KLC2: variants seen among roughly 807,000 people sequenced by gnomAD.
The protein encoded by KLC2 is kinesin light chain 2, also known as KLC 2.
In KLC2, 35 loss-of-function variants were observed where a neutral mutation model predicts 75.1. That is an observed-to-expected ratio of 0.47 (90% CI 0.36 to 0.62). The LOEUF is 0.62. KLC2 is among the 20% of genes least tolerant of loss of function. The probability of loss-of-function intolerance (pLI) is 0.00; values close to 1 mark genes in which losing one functional copy is unlikely to be tolerated. For synonymous variants in KLC2, 314 were observed against 336.7 expected (o/e 0.93, Z 0.74); for missense variants, 611 against 833.2 (o/e 0.73, Z 3.28).
In KLC2 at chr11:66,267,688, C is replaced by T; in HGVS notation, c.*732C>T. The stretch of plus-strand genomic sequence containing the variant: ...CCCCGCCCAGGCACGGCCGACCCCG[C>T]CCCGGGCACCGCCCACCGAGCCATC... On this transcript the variant is annotated 3_prime_UTR_variant, in exon 16 of 16. Coordinates refer to ENST00000394067, the MANE Select transcript of KLC2 (RefSeq NM_001318734.2). 1.9e-6 allele frequency: 1 copy of T among 522,784 alleles called. No homozygotes were observed. Among genetic ancestry groups the T allele is most frequent in the East Asian group, 3.2e-5 (1 of 30,812 alleles). 32.4% of individuals were successfully genotyped at this position (522,784 alleles called of 1,614,324 possible).
chr11:66,266,762 C>T, intron 15 of KLC2, 111 bp from the exon 16 acceptor site: 3 of 1,160,772 alleles, frequency 2.6e-6, no homozygotes, highest in Admixed American at 1.8e-5. Flanking sequence ...GCCATTGCCT[C>T]TGCCCAGCTC....
chr11:66,261,644 G>A, intron 2 of KLC2, 98 bp from the exon 3 acceptor site: 1 of 709,698 alleles, frequency 1.4e-6, no homozygotes, highest in East Asian at 2.6e-5. Context: ...GGCCAGGCCT[G>A]GCCCTTCACT....
In KLC2 at chr11:66,267,651, C is replaced by A; in HGVS notation, c.*695C>A. On this transcript the variant is annotated 3_prime_UTR_variant, in exon 16 of 16. Transcript: ENST00000394067. The stretch of plus-strand genomic sequence containing the variant: ...CCGCATCCCGGCCTTATGCACTGCC[C>A]CTCCCACCCGGCCCCGCCCAGGCAC... The A allele has an allele frequency of 1.8e-6, 1 of 564,760 alleles. No homozygotes were observed. The highest frequency in any genetic ancestry group is 3.0e-5 in the East Asian group (1 of 33,100). 35.0% of individuals were successfully genotyped at this position (564,760 alleles called of 1,614,324 possible). A position where few individuals can be genotyped will look rare whatever the true frequency, so the allele number is the denominator to read the frequency against.
At chr11:66,266,782 G>A (rs1052678338) in intron 15 of KLC2, 91 bp from the exon 16 acceptor site, 18 of 1,355,128 alleles carry the variant, frequency 1.3e-5, no homozygotes, top group African/African-American at 1.0e-4. Context: ...CAGGGATTCC[G>A]GCTGCCTCTG....
upstream of KLC2, among the ~76,000 whole-genome samples, chr11:66,256,488 T>C (rs1435300878): frequency 1.3e-5 from 2 of 150,956 alleles, no homozygotes; most frequent in African/African-American, 4.9e-5. Context: ...ACTGGAGAGG[T>C]TGAGGCAGGA....
intron 8 of KLC2, 52 bp from the exon 9 acceptor site, chr11:66,264,293 A>G (rs1856655954): frequency 1.9e-6 from 3 of 1,576,380 alleles, no homozygotes; most frequent in Non-Finnish European, 2.6e-6. Context: ...GAAGGAGAGA[A>G]AAAGGCTTGG....
At chr11:66,264,653 G>C in intron 9 of KLC2, 3 of 599,682 alleles carry the variant, frequency 5.0e-6, no homozygotes, top group Admixed American at 5.7e-5. Context: ...TGGCCTGCTA[G>C]GGCCTCACAC....
At chr11:66,252,224 C>A in the KLC2 span, among the ~76,000 whole-genome samples, 1 of 152,218 alleles carries the variant, frequency 6.6e-6, no homozygotes, top group Non-Finnish European at 1.5e-5. Flanking sequence ...GAATAAACAA[C>A]CACTAGGAAT....
chr11:66,253,768 C>T (rs1270691100), upstream of KLC2, among the ~76,000 whole-genome samples: 5 of 152,224 alleles, frequency 3.3e-5, no homozygotes, highest in Non-Finnish European at 7.3e-5. Flanking sequence ...GAATGAGAAC[C>T]AGCAGGGAAG....
In KLC2 at chr11:66,262,200, T is replaced by C; in HGVS notation, c.529+8T>C. 1 of 1,611,682 alleles carries C rather than the reference T, an allele frequency of 6.2e-7. No individual in the cohort carries two copies. The highest frequency in any genetic ancestry group is 8.5e-7 in the Non-Finnish European group (1 of 1,178,452). Reference sequence around the variant, plus strand: ...AGGATGAGCAGAGCCCAGGTGCGGATGGGCAGTTCTGGAGTGGGGGAAGGA... The same window carrying C: ...AGGATGAGCAGAGCCCAGGTGCGGACGGGCAGTTCTGGAGTGGGGGAAGGA... On this transcript the variant is annotated splice_region_variant and intron_variant, in intron 4 of 15. Coordinates refer to ENST00000394067, the MANE Select transcript of KLC2 (RefSeq NM_001318734.2).
upstream of KLC2, among the ~76,000 whole-genome samples, chr11:66,255,785 A>C (rs1856009233): frequency 7.8e-6 from 1 of 128,872 alleles, no homozygotes; most frequent in Non-Finnish European, 1.6e-5. Context: ...TTTTTTTTTG[A>C]GACAGAGTCT....
chr11:66,249,158 T>C, the KLC2 span, among the ~76,000 whole-genome samples: 1 of 152,202 alleles, frequency 6.6e-6, no homozygotes, highest in Non-Finnish European at 1.5e-5. Context: ...TTGGGGATTG[T>C]CTGATGTTCT....
At chr11:66,249,883 C>T in the KLC2 span, among the ~76,000 whole-genome samples, 3 of 152,170 alleles carry the variant, frequency 2.0e-5, no homozygotes, top group Admixed American at 1.3e-4. Flanking sequence ...GCCTCCCAAA[C>T]GCTGTTTCCA....
At chr11:66,256,123 A>T (rs72936687), upstream of KLC2, among the ~76,000 whole-genome samples, 7,073 of 152,074 alleles carry the variant, frequency 0.047, 226 homozygotes, top group Non-Finnish European at 0.067. Context: ...GAAAAAAATC[A>T]TTCCAGTCAC....
In KLC2 at chr11:66,265,699, G is replaced by A. The variant is rs1565175476; in HGVS notation, c.1379G>A (p.Arg460Gln). 5 of 1,613,912 alleles carry A rather than the reference G, an allele frequency of 3.1e-6. No homozygotes were observed. The highest frequency in any genetic ancestry group is 3.4e-6 in the Non-Finnish European group (4 of 1,179,960). Residue 460 changes from arginine (R) to glutamine (Q), a missense_variant, in exon 12 of 16, where the codon CGG (arginine) becomes CAG (glutamine). Physicochemically the swap from Arg to Gln is conservative, Grantham distance 43 (BLOSUM62 1). Coordinates refer to ENST00000394067, the MANE Select transcript of KLC2 (RefSeq NM_001318734.2). Reference sequence around the variant, plus strand: ...CTGCGCAGCTTGGGGGCCCTATACCGGCGCCAGGGCAAGCTGGAAGCCGCG... The same window carrying A: ...CTGCGCAGCTTGGGGGCCCTATACCAGCGCCAGGGCAAGCTGGAAGCCGCG... Reference protein sequence around the residue: ...TTLRSLGALYRRQGKLEAAHT... With the variant: ...TTLRSLGALYQRQGKLEAAHT...
At position 66,267,699 on chromosome 11, in the gene KLC2, G is replaced by T; in HGVS notation, c.*743G>T. 6.6e-6 allele frequency: 2 copies of T among 304,978 alleles called. No individual in the cohort carries two copies. Among genetic ancestry groups the T allele is most frequent in the Non-Finnish European group, 1.3e-5 (2 of 158,020 alleles). 18.9% of individuals were successfully genotyped at this position (304,978 alleles called of 1,614,324 possible). On this transcript the variant is annotated 3_prime_UTR_variant, in exon 16 of 16. Transcript: ENST00000394067. ...CACGGCCGACCCCGCCCCGGGCACC[G>T]CCCACCGAGCCATCCTGCCTCGCCT...
Position 66,264,388 on chromosome 11 carries a change from C to T in KLC2, c.1160C>T (p.Thr387Ile). The T allele has an allele frequency of 2.5e-6, 4 of 1,613,678 alleles. No individual in the cohort carries two copies. The highest frequency in any genetic ancestry group is 2.2e-5 in the South Asian group (2 of 90,914). ...CAGGGCAAGTACCAGGATGCGGAGA[C>T]CTTGTACAAGGAGATCCTCACCCGC... is the stretch of plus-strand genomic sequence containing the variant. ...LKQGKYQDAETLYKEILTRAH... is the reference protein window; with the variant it reads ...LKQGKYQDAEILYKEILTRAH... The change falls in exon 9 of 16, where the codon ACC (threonine) becomes ATC (isoleucine). Residue 387 changes from threonine to isoleucine, a missense_variant. Transcript: ENST00000394067.
intron 12 of KLC2, 42 bp downstream of exon 12, chr11:66,265,805 G>A (rs1165118913): frequency 1.2e-6 from 2 of 1,604,890 alleles, no homozygotes; most frequent in South Asian, 2.2e-5. Flanking sequence ...CACCTGTGTG[G>A]CCCTGGGTGT....
Position 66,266,011 on chromosome 11 carries a change from G to C in KLC2, c.1601G>C (p.Gly534Ala). 6.2e-7 allele frequency: 1 copy of C among 1,613,002 alleles called. No homozygotes were observed. The highest frequency in any genetic ancestry group is 8.5e-7 in the Non-Finnish European group (1 of 1,179,284). Reference sequence around the variant, plus strand: ...GTGGGACCTACAGCTGAGTGGAATGGGGTGAGTCCGGGGCCTGGGCCGGGT... The same window carrying C: ...GTGGGACCTACAGCTGAGTGGAATGCGGTGAGTCCGGGGCCTGGGCCGGGT... The part of the protein sequence containing the change: ...EDVGPTAEWN[G>A]DGSGSLRRSG... The change falls in exon 13 of 16, where the codon GGG becomes GCG. Residue 534 changes from glycine (G) to alanine (A), a missense_variant and splice_region_variant. By Grantham distance (60) the Gly-to-Ala change is moderately conservative (BLOSUM62 0). Transcript: ENST00000394067.
Sources: gnomAD v4.1 joint callset for allele counts (sites outside exome capture counted in the v4.1 genomes callset) on GRCh38, gnomAD v4.1.1 for gene constraint, MANE v1.5 for transcripts, NCBI Gene and HGNC (gene_info 2026-07-23, HGNC 2026-07-21) for gene names.